Variants in HS6ST1 observed in about 807,000 individuals in gnomAD.
The protein encoded by HS6ST1 is heparan sulfate 6-O-sulfotransferase 1, also known as heparan-sulfate 6-O-sulfotransferase 1.
A neutral mutation model predicts 25.2 loss-of-function variants in HS6ST1; 3 were observed. The ratio of observed to expected loss-of-function variants is 0.12; its 90% confidence interval spans 0.05 to 0.31. The LOEUF (loss-of-function observed/expected upper bound fraction) is 0.31, where lower values mean the gene tolerates loss of function less well. HS6ST1 is among the 10% of genes least tolerant of loss of function. The pLI, the probability that HS6ST1 is intolerant of heterozygous loss-of-function variation, is 1.00. For missense variants in HS6ST1, 310 were observed against 609.6 expected, an observed-to-expected ratio of 0.51 and a Z score of 5.18; for synonymous variants, 204 against 275.1, an observed-to-expected ratio of 0.74 and a Z score of 2.56.
chr2:128,278,737 A>G (rs1693734309), intron 1 of HS6ST1, among the ~76,000 whole-genome samples: 1 of 152,214 alleles, frequency 6.6e-6, no homozygotes. Flanking sequence ...CTCTGTGGTC[A>G]TGGTTTTGTA....
rs1296198668 is a variant in HS6ST1, at chr2:128,267,646, C to G, written c.*516G>C. 5.9e-6 allele frequency: 1 copy of G among 168,960 alleles called. No individual in the cohort carries two copies. The highest frequency in any genetic ancestry group is 2.4e-5 in the African/African-American group (1 of 41,760). The allele number at this position is 168,960 out of a possible 1,614,324, so 10.5% of individuals were successfully genotyped here. A position where few individuals can be genotyped will look rare whatever the true frequency, so the allele number is the denominator to read the frequency against. ...TACAGATGGGTGAGCTGGGGGCTCC[C>G]CAGGCCTCGGGGCATTGGGGGCAGC... On this transcript the variant is annotated 3_prime_UTR_variant, in exon 2 of 2. Coordinates refer to ENST00000259241, the MANE Select transcript of HS6ST1 (RefSeq NM_004807.3).
intron 1 of HS6ST1, among the ~76,000 whole-genome samples, chr2:128,315,980 C>A (rs985209671): frequency 1.3e-5 from 2 of 152,204 alleles, no homozygotes; most frequent in East Asian, 1.9e-4. Context: ...CCCTGGAAGC[C>A]CCTCCCAACC....
rs1693538936 is a variant in HS6ST1, at chr2:128,267,578, T to C, written c.*584A>G. On this transcript the variant is annotated 3_prime_UTR_variant, in exon 2 of 2. Coordinates refer to ENST00000259241, the MANE Select transcript of HS6ST1 (RefSeq NM_004807.3). ...AGGCTTCCTGGGGGCTGGACTCGAGTCTTCTCTGCCTCAGATGGGGTGGGC... is the reference window on the plus strand; with the variant it reads ...AGGCTTCCTGGGGGCTGGACTCGAGCCTTCTCTGCCTCAGATGGGGTGGGC... The C allele has an allele frequency of 6.4e-6, 1 of 156,260 alleles. No homozygotes were observed. Among genetic ancestry groups the C allele is most frequent in the Non-Finnish European group, 1.4e-5 (1 of 70,530 alleles). 9.7% of individuals were successfully genotyped at this position (156,260 alleles called of 1,614,324 possible).
intron 1 of HS6ST1, among the ~76,000 whole-genome samples, chr2:128,276,252 C>G (rs1211073570): frequency 6.6e-6 from 1 of 152,148 alleles, no homozygotes; most frequent in African/African-American, 2.4e-5. Context: ...CTCAGCCTCC[C>G]GAGTAGCTGG....
At chr2:128,317,616 C>T (rs911264936) in intron 1 of HS6ST1, among the ~76,000 whole-genome samples, 2 of 152,230 alleles carry the variant, frequency 1.3e-5, no homozygotes, top group African/African-American at 2.4e-5. Context: ...CTTTTGGGAC[C>T]ACAGCACCGA....
At chr2:128,292,963 T>C (rs985254332) in intron 1 of HS6ST1, among the ~76,000 whole-genome samples, 1 of 152,072 alleles carries the variant, frequency 6.6e-6, no homozygotes, top group Non-Finnish European at 1.5e-5. Context: ...CTGTTGCCAC[T>C]CCTACTGCAA....
At chr2:128,280,961 C>T (rs1471236905) in intron 1 of HS6ST1, among the ~76,000 whole-genome samples, 1 of 152,246 alleles carries the variant, frequency 6.6e-6, no homozygotes, top group Non-Finnish European at 1.5e-5. Flanking sequence ...CCAGGGAGCC[C>T]CTCACCAGTG....
intron 1 of HS6ST1, among the ~76,000 whole-genome samples, chr2:128,272,149 T>A (rs1210435521): frequency 2.0e-5 from 3 of 152,152 alleles, no homozygotes; most frequent in African/African-American, 7.2e-5. Flanking sequence ...CCTGCAAAGC[T>A]CAGGGCCTCT....
chr2:128,289,608 A>ATCC (rs1693922185), intron 1 of HS6ST1: 1 of 152,228 alleles, frequency 6.6e-6, no homozygotes, highest in Non-Finnish European at 1.5e-5. Flanking sequence ...CCAGCTTGCT[A>ATCC]AGGGATCTGC....
In HS6ST1 at chr2:128,318,519, G is replaced by A. The variant is rs549983332; in HGVS notation, c.45C>T (p.Ala15=). The A allele has an allele frequency of 3.3e-6, 5 of 1,536,116 alleles. No homozygotes were observed. In the Admixed American group the frequency reaches 5.9e-5, roughly 18 times the overall value. ...RAGGRTMVER[A]SKFVLVVAGS... is the part of the protein sequence containing the mutation. ...CCGCCACCACCAGCACGAACTTGCT[G>A]GCGCGCTCAACCATGGTCCTGCCGC... The change falls in exon 1 of 2, where the codon GCC becomes GCT. Residue 15 remains alanine (A), a synonymous_variant. Coordinates refer to ENST00000259241, the MANE Select transcript of HS6ST1 (RefSeq NM_004807.3). The surrounding 1 kb of genome is among the most constrained non-coding windows in gnomAD (Gnocchi z 5.7).
intron 1 of HS6ST1, among the ~76,000 whole-genome samples, chr2:128,270,426 C>T (rs910176751): frequency 1.3e-5 from 2 of 152,250 alleles, no homozygotes; most frequent in African/African-American, 4.8e-5. Flanking sequence ...GCACCCTGCA[C>T]CCACAGCCTG....
chr2:128,272,563 T>C (rs930955206), intron 1 of HS6ST1, among the ~76,000 whole-genome samples: 1 of 152,034 alleles, frequency 6.6e-6, no homozygotes, highest in African/African-American at 2.4e-5. Context: ...GGGACACAGC[T>C]GAGGGGAACA....
At chr2:128,287,194 C>T (rs530312563) in intron 1 of HS6ST1, among the ~76,000 whole-genome samples, 20 of 152,350 alleles carry the variant, frequency 1.3e-4, no homozygotes, top group Non-Finnish European at 1.2e-4. Flanking sequence ...AGGAAGCGCC[C>T]AACCCCTCCT....
chr2:128,276,051 G>A (rs1311436772), intron 1 of HS6ST1, among the ~76,000 whole-genome samples: 1 of 152,150 alleles, frequency 6.6e-6, no homozygotes, highest in Non-Finnish European at 1.5e-5. Flanking sequence ...GGATTATGAT[G>A]GTAACGTGTA....
At chr2:128,275,122 A>G (rs1204844601) in intron 1 of HS6ST1, among the ~76,000 whole-genome samples, 1 of 152,202 alleles carries the variant, frequency 6.6e-6, no homozygotes, top group Non-Finnish European at 1.5e-5. Flanking sequence ...TAGAAAATAA[A>G]GCAAGTAAAA....
intron 1 of HS6ST1, among the ~76,000 whole-genome samples, chr2:128,317,352 C>T (rs1694386664): frequency 6.6e-6 from 1 of 152,212 alleles, no homozygotes; most frequent in Admixed American, 6.5e-5. Flanking sequence ...GGAAGGTGGT[C>T]CCCCATCGGG....
intron 1 of HS6ST1, among the ~76,000 whole-genome samples, chr2:128,269,273 G>T (rs574175307): frequency 6.6e-6 from 1 of 152,330 alleles, no homozygotes; most frequent in African/African-American, 2.4e-5. Context: ...GGAACAGAAG[G>T]TGGGCAGGGG....
At chr2:128,275,234 C>G (rs1693675642) in intron 1 of HS6ST1, among the ~76,000 whole-genome samples, 1 of 152,160 alleles carries the variant, frequency 6.6e-6, no homozygotes, top group African/African-American at 2.4e-5. Context: ...TTGAAGGCAT[C>G]ATCATGTAAA....
Position 128,318,110 on chromosome 2 carries a change from C to T in HS6ST1, c.454G>A (p.Asp152Asn). Residue 152 changes from aspartate (D) to asparagine (N), a missense_variant, in exon 1 of 2, where the codon GAC (aspartate) becomes AAC (asparagine). By Grantham distance (23) the Asp-to-Asn change is conservative. Around this residue, in one of 5 missense-constraint regions of HS6ST1, gnomAD observed 98 missense variants for 270.3 expected, o/e 0.36. Coordinates refer to ENST00000259241, the MANE Select transcript of HS6ST1 (RefSeq NM_004807.3). This position sits in a 1 kb window ranked among gnomAD's most constrained non-coding sequence, Gnocchi z 5.7. ...STGWSCGLHA[D>N]WTELTNCVPG... ...ACGCAGTTGGTGAGCTCGGTCCAGT[C>T]GGCGTGCAGCCCGCAGCTCCAGCCG... The T allele has an allele frequency of 6.6e-7, 1 of 1,526,142 alleles. No homozygotes were observed. Among genetic ancestry groups the T allele is most frequent in the Non-Finnish European group, 8.8e-7 (1 of 1,138,060 alleles). The allele number at this position is 1,526,142 out of a possible 1,614,324, so 94.5% of individuals were successfully genotyped here.
Sources: gnomAD v4.1 joint callset for allele counts (sites outside exome capture counted in the v4.1 genomes callset) on GRCh38, gnomAD v4.1.1 for gene constraint, gnomAD v4.1.1 regional missense constraint, Gnocchi (gnomAD v3.1) non-coding constraint, MANE v1.5 for transcripts, NCBI Gene and HGNC (gene_info 2026-07-23, HGNC 2026-07-21) for gene names.